Variants in LENG8 observed in about 807,000 individuals in gnomAD.
LENG8 encodes the protein leukocyte receptor cluster member 8.
In LENG8, 28 loss-of-function variants were observed where a neutral mutation model predicts 102.1. The observed-to-expected ratio is 0.27, with a 90% confidence interval of 0.20 to 0.38. The LOEUF is 0.38. Among genes scored for constraint, LENG8 ranks in the 10% least tolerant of loss-of-function variants. The probability of loss-of-function intolerance (pLI) is 1.00; values close to 1 mark genes in which losing one functional copy is unlikely to be tolerated. For missense variants in LENG8, 1,022 were observed against 1,113.9 expected (o/e 0.92, Z 1.17); for synonymous variants, 531 against 456.7 (o/e 1.16, Z -2.07).
Position 54,460,837 on chromosome 19 carries a change from C to A in LENG8, c.2312C>A (p.Ala771Asp). The A allele has an allele frequency of 1.3e-6, 2 of 1,576,952 alleles. No homozygotes were observed. Among genetic ancestry groups the A allele is most frequent in the Non-Finnish European group, 1.7e-6 (2 of 1,162,560 alleles). The change falls in exon 16 of 16, where the codon GCC (alanine) becomes GAC (aspartate). Residue 771 changes from alanine to aspartate, a missense_variant. This residue lies in a region of LENG8 where 129 missense variants were observed against 123.0 expected (regional missense o/e 1.05). Transcript: ENST00000326764. ...TTCGAGGGCGAGGCCGCCTGCCGGG[C>A]CTTCCTAGAGCCCCTGGGCCTGGCC... ...LAFEGEAACR[A>D]FLEPLGLAYT...
chr19:54,459,099 G>A, intron 15 of LENG8: 1 of 1,379,158 alleles, frequency 7.3e-7, no homozygotes. Context: ...GCTGTGGGTG[G>A]GGATGAGTTG....
chr19:54,449,962 C>T (rs1302150507), intron 1 of LENG8, among the ~76,000 whole-genome samples: 1 of 152,196 alleles, frequency 6.6e-6, no homozygotes, highest in East Asian at 1.9e-4. Flanking sequence ...TTTTCCCCAG[C>T]TCCAGACTCC....
At chr19:54,449,989 A>T (rs1030662771) in intron 1 of LENG8, among the ~76,000 whole-genome samples, 2 of 151,722 alleles carry the variant, frequency 1.3e-5, no homozygotes, top group African/African-American at 4.9e-5. Flanking sequence ...TATCCCGTCA[A>T]CTCGTGGGAA....
In LENG8 at chr19:54,455,149, G is replaced by C; in HGVS notation, c.821+57G>C. ...CCACACTCTGCACTCAGCGTCTATG[G>C]TCCAGTCCCACTGGCCAGCTGCCCA... is the stretch of plus-strand genomic sequence containing the variant. On this transcript the variant is annotated intron_variant, in intron 7 of 15. Transcript: ENST00000326764. 4 of 1,606,020 alleles carry C rather than the reference G, an allele frequency of 2.5e-6. No individual in the cohort carries two copies. The Admixed American group carries it at 6.7e-5, about 27-fold the overall frequency.
chr19:54,454,309 A>G, intron 5 of LENG8, 121 bp from the exon 6 acceptor site: 1 of 934,938 alleles, frequency 1.1e-6, no homozygotes, highest in Non-Finnish European at 1.6e-6. Flanking sequence ...CACATTTGGG[A>G]AGGTCACGGG....
intron 2 of LENG8, 94 bp downstream of exon 2, chr19:54,451,476 G>T: frequency 1.5e-6 from 2 of 1,294,052 alleles, no homozygotes; most frequent in Non-Finnish European, 2.2e-6. Context: ...CGTGGCCTTA[G>T]GGGAGGTGAT....
chr19:54,457,001 A>G, intron 11 of LENG8, 80 bp downstream of exon 11: 2 of 1,433,782 alleles, frequency 1.4e-6, no homozygotes, highest in Non-Finnish European at 1.9e-6. Flanking sequence ...GGAGGGTGGC[A>G]GAGGCCACAC....
At chr19:54,459,262 T>A in intron 15 of LENG8, 1 of 1,034,518 alleles carries the variant, frequency 9.7e-7, no homozygotes, top group South Asian at 4.0e-5. Context: ...GCCACTGCCA[T>A]TGGGCCTCAG....
chr19:54,454,390 G>T, intron 5 of LENG8, 40 bp from the exon 6 acceptor site: 1 of 1,549,062 alleles, frequency 6.5e-7, no homozygotes. Flanking sequence ...GCCAGCCCCA[G>T]AATCTGCCTC....
In LENG8 at chr19:54,460,593, C is replaced by CT. The variant is rs1491147382; in HGVS notation, c.2241-173_2241-172insT. ...GGGGACTGGGGTCACTAACCCCCCC[C>CT]GGGCCCCCCCCGAGCCCCTGAGGTG... On this transcript the variant is annotated intron_variant, in intron 15 of 15. Coordinates refer to ENST00000326764, the MANE Select transcript of LENG8 (RefSeq NM_052925.4). The CT allele has an allele frequency of 3.4e-5, 48 of 1,413,562 alleles. No homozygotes were observed. In the East Asian group the frequency reaches 8.0e-4, roughly 23 times the overall value. The allele number at this position is 1,413,562 out of a possible 1,614,324, so 87.6% of individuals were successfully genotyped here.
intron 15 of LENG8, chr19:54,459,154 G>A (rs969459686): frequency 1.6e-6 from 2 of 1,263,030 alleles, no homozygotes; most frequent in Non-Finnish European, 2.0e-6. Context: ...TGATTGAGGT[G>A]CCCAGGCGAC....
At chr19:54,451,980 G>C (rs1316643845) in intron 2 of LENG8, 113 bp from the exon 3 acceptor site, 5 of 960,904 alleles carry the variant, frequency 5.2e-6, no homozygotes, top group Non-Finnish European at 7.9e-6. Context: ...CTTAGGCTTA[G>C]ACTGGTAGTA....
Position 54,458,095 on chromosome 19 carries a change from C to T in LENG8, c.1903-8C>T, listed in dbSNP as rs1210965750. The T allele has an allele frequency of 3.7e-6, 6 of 1,612,692 alleles. No individual in the cohort carries two copies. The highest frequency in any genetic ancestry group is 1.6e-4 in the Middle Eastern group (1 of 6,062). On this transcript the variant is annotated splice_polypyrimidine_tract_variant and splice_region_variant and intron_variant, in intron 13 of 15. Transcript: ENST00000326764. ...CTGCTCTCCTCCCTCGGTGCCTCTG[C>T]CTTCCAGGGTGACCATGAAGAGTTT...
At chr19:54,455,841 T>C (rs968446518) in intron 8 of LENG8, 126 bp from the exon 9 acceptor site, 9 of 1,052,690 alleles carry the variant, frequency 8.5e-6, no homozygotes, top group Non-Finnish European at 1.2e-5. Flanking sequence ...TGCACTGTAG[T>C]AGCTGAGCCG....
rs911698925 is a variant in LENG8 at position 54,458,074 on chromosome 19, T to C, written c.1903-29T>C. 2.5e-6 allele frequency: 4 copies of C among 1,611,928 alleles called. No individual in the cohort carries two copies. In the African/African-American group the frequency reaches 5.3e-5, roughly 22 times the overall value. On this transcript the variant is annotated intron_variant, in intron 13 of 15. Coordinates refer to ENST00000326764, the MANE Select transcript of LENG8 (RefSeq NM_052925.4). ...TCTGCCCTCAGCACCCTCACTCTGC[T>C]CTCCTCCCTCGGTGCCTCTGCCTTC...
At chr19:54,458,564 C>T (rs796171624) in intron 15 of LENG8, 43 bp downstream of exon 15, 22 of 1,612,534 alleles carry the variant, frequency 1.4e-5, no homozygotes, top group South Asian at 1.3e-4. Context: ...TCTTCCCATC[C>T]TTCCGCCTCG....
chr19:54,460,520 C>G (rs987302019), intron 15 of LENG8: 2 of 1,389,528 alleles, frequency 1.4e-6, no homozygotes, highest in Non-Finnish European at 1.9e-6. Flanking sequence ...TGCCCGTCCC[C>G]GCTCCTCCCT....
chr19:54,452,637 C>CTT lies in LENG8; in HGVS notation c.214-13_214-12insTT. 2.0e-6 allele frequency: 3 copies of CTT among 1,470,118 alleles called. No homozygotes were observed. Among genetic ancestry groups the CTT allele is most frequent in the Non-Finnish European group, 2.7e-6 (3 of 1,116,132 alleles). The allele number at this position is 1,470,118 out of a possible 1,614,324, so 91.1% of individuals were successfully genotyped here. The stretch of plus-strand genomic sequence containing the variant: ...TTTGGGCTGCTGACGGCACATGTGC[C>CTT]TCTGCTTCCACAGTACGTGTCCCAG... On this transcript the variant is annotated splice_polypyrimidine_tract_variant and intron_variant, in intron 3 of 15. Coordinates refer to ENST00000326764, the MANE Select transcript of LENG8 (RefSeq NM_052925.4).
intron 5 of LENG8, 47 bp from the exon 6 acceptor site, chr19:54,454,383 A>G: frequency 6.5e-7 from 1 of 1,539,926 alleles, no homozygotes; most frequent in Non-Finnish European, 8.7e-7. Flanking sequence ...GCCACTCGCC[A>G]GCCCCAGAAT....
Sources: allele counts gnomAD v4.1 joint callset (sites outside exome capture counted in the v4.1 genomes callset), GRCh38; gene constraint gnomAD v4.1.1; regional missense constraint gnomAD v4.1.1; transcripts MANE v1.5; gene names NCBI Gene and HGNC (gene_info 2026-07-23, HGNC 2026-07-21).